The following NAIP variants were observed in gnomAD, a reference collection of about 807,000 sequenced individuals.
The protein encoded by NAIP is baculoviral IAP repeat-containing protein 1.
In NAIP, 15 loss-of-function variants were observed where a neutral mutation model predicts 23.0. The ratio of observed to expected loss-of-function variants is 0.65; its 90% confidence interval spans 0.44 to 1.00. NAIP has a LOEUF of 1.00. Among genes scored for constraint, NAIP ranks in the 50% least tolerant of loss-of-function variants. NAIP has a pLI of 0.00. For synonymous variants in NAIP, 100 were observed against 100.2 expected (o/e 1.00, Z 0.01); for missense variants, 265 against 278.8 (o/e 0.95, Z 0.35).
intron 3 of NAIP, among the ~76,000 whole-genome samples, chr5:71,015,224 T>C (rs867732279): frequency 1.3e-5 from 2 of 151,356 alleles, no homozygotes; most frequent in African/African-American, 2.4e-5. Context: ...CAAAAAATTT[T>C]AAAAATTAGC....
At chr5:71,010,266 C>G (rs1181189017) in intron 5 of NAIP, among the ~76,000 whole-genome samples, 1 of 149,918 alleles carries the variant, frequency 6.7e-6, no homozygotes, top group African/African-American at 2.5e-5. Flanking sequence ...CGCCACCATG[C>G]CTGGCTAACT....
chr5:70,976,940 CTT>C lies in NAIP; in HGVS notation c.3559_3560del (p.Lys1187ValfsTer27). 2.7e-6 allele frequency: 1 copy of C among 371,180 alleles called. No individual in the cohort carries two copies. Among genetic ancestry groups the C allele is most frequent in the South Asian group, 2.5e-5 (1 of 40,692 alleles). The allele number at this position is 371,180 out of a possible 1,614,324, so 23.0% of individuals were successfully genotyped here. A position where few individuals can be genotyped will look rare whatever the true frequency, so the allele number is the denominator to read the frequency against. ...LVSCKKLTEI[K>X]FSDSFFQAVP... ...CGGCTTGAAAAAATGAATCCGAAAA[CTT>C]AATTTCTGTGAGTTTCTTACAGGAA... On this transcript the variant is annotated frameshift_variant, in exon 14 of 17. Coordinates refer to ENST00000517649, the MANE Select transcript of NAIP (RefSeq NM_004536.3). LOFTEE classifies it high-confidence loss of function.
intron 13 of NAIP, among the ~76,000 whole-genome samples, chr5:70,978,320 T>A (rs1384747360): frequency 1.3e-5 from 2 of 148,236 alleles, no homozygotes; most frequent in East Asian, 2.1e-4. Flanking sequence ...GCTAATTTTT[T>A]ATTTTTTTAG....
chr5:71,014,158 C>T (rs560242693), intron 3 of NAIP, among the ~76,000 whole-genome samples: 45 of 149,660 alleles, frequency 3.0e-4, no homozygotes, highest in Non-Finnish European at 5.6e-4. Flanking sequence ...AGTGCAGTGG[C>T]GTGGCCTCGG....
chr5:71,015,261 C>T (rs934439448), intron 3 of NAIP, among the ~76,000 whole-genome samples: 1 of 151,154 alleles, frequency 6.6e-6, no homozygotes, highest in Non-Finnish European at 1.5e-5. Context: ...TGCCTGTAGT[C>T]CCAGCTACTC....
chr5:71,011,429 A>T, intron 4 of NAIP, 55 bp from the exon 5 acceptor site: 1 of 1,370,510 alleles, frequency 7.3e-7, no homozygotes, highest in South Asian at 1.2e-5. Context: ...GGGGGTATGT[A>T]CACAGAGTTG....
intron 9 of NAIP, among the ~76,000 whole-genome samples, chr5:70,996,809 A>C (rs1359977525): frequency 2.4e-5 from 3 of 123,546 alleles, no homozygotes; most frequent in Non-Finnish European, 5.2e-5. Context: ...AAAAAAAAAA[A>C]AAAATTAAGC....
chr5:71,002,409 T>TC (rs1750836162), intron 6 of NAIP, among the ~76,000 whole-genome samples: 1 of 55,548 alleles, frequency 1.8e-5, no homozygotes, highest in African/African-American at 9.1e-5. Context: ...GTCTTTTTTT[T>TC]TTTTTTTTTT....
chr5:71,013,109 T>C (rs1347932674), intron 3 of NAIP, among the ~76,000 whole-genome samples, 191 bp from the exon 4 acceptor site: 2 of 151,552 alleles, frequency 1.3e-5, no homozygotes, highest in African/African-American at 4.8e-5. Flanking sequence ...AAGCACCTAC[T>C]ATATATCAGG....
chr5:71,017,802 A>G (rs1221877972), intron 3 of NAIP, among the ~76,000 whole-genome samples: 1 of 81,992 alleles, frequency 1.2e-5, no homozygotes, highest in Non-Finnish European at 2.5e-5. Context: ...CGGCCTCCCA[A>G]TGTGCTAGGA....
chr5:71,010,959 A>C (rs1341576040), intron 5 of NAIP, among the ~76,000 whole-genome samples: 1 of 151,262 alleles, frequency 6.6e-6, no homozygotes, highest in Non-Finnish European at 1.5e-5. Flanking sequence ...TTAGCCAGGC[A>C]CAGTGGCTCA....
chr5:71,012,231 T>C, intron 4 of NAIP, 117 bp downstream of exon 4: 1 of 876,492 alleles, frequency 1.1e-6, no homozygotes, highest in Non-Finnish European at 1.7e-6. Flanking sequence ...ACCTTATACC[T>C]AATATAACAC....
chr5:71,012,824 G>A lies in NAIP; in HGVS notation c.92C>T (p.Ala31Val). 1 of 1,611,916 alleles carries A rather than the reference G, an allele frequency of 6.2e-7. No homozygotes were observed. The highest frequency in any genetic ancestry group is 8.5e-7 in the Non-Finnish European group (1 of 1,178,522). The change falls in exon 4 of 17, where the codon GCA (alanine) becomes GTA (valine). Residue 31 changes from alanine to valine, a missense_variant. Ala to Val is a moderately conservative substitution (Grantham distance 64, BLOSUM62 0). Around this residue, in one of 2 missense-constraint regions of NAIP, gnomAD observed 261 missense variants for 259.2 expected, o/e 1.01. Coordinates refer to ENST00000517649, the MANE Select transcript of NAIP (RefSeq NM_004536.3). ...PELSALLGLD[A>V]VQLAKELEEE... ...TTCTAGTTCCTTTGCCAACTGAACT[G>A]CATCTAGGCCCAGAAGAGCAGACAG...
intron 5 of NAIP, among the ~76,000 whole-genome samples, chr5:71,009,597 CA>C (rs1226575593): frequency 3.3e-5 from 5 of 150,568 alleles, no homozygotes; most frequent in African/African-American, 9.8e-5. Context: ...GGCTGAGGCA[CA>C]AGAATCACTT....
chr5:70,978,401 G>A (rs1209764914), intron 13 of NAIP, among the ~76,000 whole-genome samples: 239 of 132,428 alleles, frequency 1.8e-3, no homozygotes, highest in African/African-American at 6.2e-3. Context: ...CTCCCGCCTC[G>A]GCCACCCAAA....
At chr5:71,013,419 A>G (rs1205295197) in intron 3 of NAIP, among the ~76,000 whole-genome samples, 1 of 150,962 alleles carries the variant, frequency 6.6e-6, no homozygotes, top group East Asian at 1.9e-4. Context: ...CAGGTGGATC[A>G]CGAGGTCAGG....
chr5:71,011,201 C>G (rs1429978726), intron 5 of NAIP, 74 bp downstream of exon 5: 4 of 1,160,448 alleles, frequency 3.4e-6, no homozygotes, highest in Non-Finnish European at 4.9e-6. Context: ...CCACTATACT[C>G]CAGCCTGGGT....
chr5:71,009,719 A>G (rs1751058438), intron 5 of NAIP, among the ~76,000 whole-genome samples: 1 of 151,558 alleles, frequency 6.6e-6, no homozygotes, highest in Non-Finnish European at 1.5e-5. Flanking sequence ...TATTATTTCC[A>G]GGAAAAAAGG....
Position 71,012,872 on chromosome 5 carries a change from A to C in NAIP, c.44T>G (p.Phe15Cys). The change falls in exon 4 of 17, where the codon TTT becomes TGT. Residue 15 changes from phenylalanine to cysteine, a missense_variant. Physicochemically the swap from Phe to Cys is radical, Grantham distance 205. Coordinates refer to ENST00000517649, the MANE Select transcript of NAIP (RefSeq NM_004536.3). ...QKASDERISQ[F>C]DHNLLPELSA... ...CAGCTCTGGCAGCAAATTGTGATCA[A>C]ACTGGGAGATCCTCTCGTCAGAGGC... 1 of 1,608,682 alleles carries C rather than the reference A, an allele frequency of 6.2e-7. No homozygotes were observed. The highest frequency in any genetic ancestry group is 1.7e-5 in the Admixed American group (1 of 59,100).
Sources: gnomAD v4.1 joint callset for allele counts (sites outside exome capture counted in the v4.1 genomes callset) on GRCh38, gnomAD v4.1.1 for gene constraint, gnomAD v4.1.1 regional missense constraint, MANE v1.5 for transcripts, NCBI Gene and HGNC (gene_info 2026-07-23, HGNC 2026-07-21) for gene names.